CBLB: variants seen among roughly 807,000 people sequenced by gnomAD.
CBLB encodes E3 ubiquitin-protein ligase CBL-B.
Under a neutral mutation model 104.9 loss-of-function variants are expected in CBLB, and 31 were observed. That is an observed-to-expected ratio of 0.30 (90% CI 0.22 to 0.40). CBLB has a LOEUF of 0.40. Ranked by LOEUF, CBLB falls within the 10% of genes least tolerant of loss-of-function variation. The pLI is 1.00. For synonymous variants in CBLB, 440 were observed against 422.6 expected, an observed-to-expected ratio of 1.04 and a Z score of -0.51; for missense variants, 1,062 against 1,214.6, an observed-to-expected ratio of 0.87 and a Z score of 1.87.
intron 2 of CBLB, among the ~76,000 whole-genome samples, 179 bp from the exon 3 acceptor site, chr3:105,853,843 C>T (rs2091260339): frequency 6.6e-6 from 1 of 152,094 alleles, no homozygotes; most frequent in Non-Finnish European, 1.5e-5. Flanking sequence ...AAATCCTATT[C>T]TGTTCTCCTA....
At chr3:105,764,361 AG>A (rs1454976970) in intron 4 of CBLB, among the ~76,000 whole-genome samples, 1 of 152,228 alleles carries the variant, frequency 6.6e-6, no homozygotes, top group Non-Finnish European at 1.5e-5. Context: ...GCTGGCACAC[AG>A]GTCTAGCCAA....
At chr3:105,704,224 T>C in intron 10 of CBLB, 51 bp from the exon 11 acceptor site, 2 of 1,525,772 alleles carry the variant, frequency 1.3e-6, no homozygotes, top group Non-Finnish European at 1.8e-6. Context: ...GTGCAGAGTG[T>C]TCTCTGTTCT....
chr3:105,726,965 G>A (rs545760311), intron 9 of CBLB, among the ~76,000 whole-genome samples: 1 of 152,262 alleles, frequency 6.6e-6, no homozygotes, highest in South Asian at 2.1e-4. Context: ...ATGGACATTT[G>A]GGTTGGTTCC....
At chr3:105,667,307 A>AGC (rs375635226) in intron 18 of CBLB, among the ~76,000 whole-genome samples, 1 of 48 alleles carries the variant, frequency 0.021, no homozygotes, top group Non-Finnish European at 0.036. Context: ...ACAGCCTTTT[A>AGC]GTTTTCAAAG....
intron 18 of CBLB, among the ~76,000 whole-genome samples, chr3:105,668,921 A>C (rs979095303): frequency 5.9e-5 from 9 of 152,194 alleles, no homozygotes; most frequent in African/African-American, 2.2e-4. Context: ...AGCTTAAAAA[A>C]ATTTTGAAAT....
intron 1 of CBLB, chr3:105,868,476 CTG>C (rs1423405066): frequency 2.8e-6 from 1 of 351,290 alleles, no homozygotes; most frequent in Non-Finnish European, 5.0e-6. Context: ...GGGAGGGACA[CTG>C]TGGGCTCGGC....
At chr3:105,866,073 G>T (rs1002278965) in intron 2 of CBLB, among the ~76,000 whole-genome samples, 1 of 152,122 alleles carries the variant, frequency 6.6e-6, no homozygotes, top group Non-Finnish European at 1.5e-5. Flanking sequence ...ACATCATTCT[G>T]TCTGGAGCAC....
At chr3:105,721,157 A>C (rs1463981641) in intron 9 of CBLB, among the ~76,000 whole-genome samples, 1 of 152,176 alleles carries the variant, frequency 6.6e-6, no homozygotes, top group African/African-American at 2.4e-5. Context: ...TGTTATTTAA[A>C]AGTGGCAAAA....
chr3:105,731,921 A>C (rs951151048), intron 9 of CBLB, among the ~76,000 whole-genome samples: 1 of 152,224 alleles, frequency 6.6e-6, no homozygotes, highest in African/African-American at 2.4e-5. Flanking sequence ...TGTATGCTCT[A>C]AGACTGGAGC....
intron 17 of CBLB, among the ~76,000 whole-genome samples, chr3:105,675,238 G>T: frequency 6.6e-6 from 1 of 152,140 alleles, no homozygotes; most frequent in Non-Finnish European, 1.5e-5. Flanking sequence ...TTTACAGACT[G>T]AACAACGAAA....
Position 105,656,346 on chromosome 3 carries a change from G to A in CBLB, c.*2624C>T, listed in dbSNP as rs1349491298. ...GGAATGTCTAACTTTTTGGATCACA[G>A]TGAAACAAAGTCTGGATCACTTCCA... On this transcript the variant is annotated 3_prime_UTR_variant, in exon 19 of 19. Transcript: ENST00000394030. The A allele has an allele frequency of 4.9e-6, 1 of 203,158 alleles. No individual in the cohort carries two copies. Among genetic ancestry groups the A allele is most frequent in the Non-Finnish European group, 1.0e-5 (1 of 99,144 alleles). 12.6% of individuals were successfully genotyped at this position (203,158 alleles called of 1,614,324 possible).
At position 105,773,833 on chromosome 3, in the gene CBLB, C is replaced by T. The variant is rs146158930; in HGVS notation, c.566+2563G>A. On this transcript the variant is annotated intron_variant, in intron 4 of 18. Coordinates refer to ENST00000394030, the MANE Select transcript of CBLB (RefSeq NM_170662.5). The stretch of plus-strand genomic sequence containing the variant: ...TGCATTGTTAAAATATATTCATTTG[C>T]ATAAAAATTGACCATAAACAGAATC... Among the ~76,000 whole-genome samples the T allele has an allele frequency of 3.0e-4, 45 of 152,296 alleles. 1 individual carries two copies. In the East Asian group the frequency reaches 4.4e-3, roughly 15 times the overall value.
intron 3 of CBLB, among the ~76,000 whole-genome samples, chr3:105,834,612 C>T (rs1215369268): frequency 6.6e-5 from 10 of 151,988 alleles, no homozygotes; most frequent in Non-Finnish European, 1.5e-4. Context: ...GACAAGATTG[C>T]GCCACTGCAC....
rs4431143 is a variant in CBLB at position 105,868,903 on chromosome 3, A to C, written c.-182T>G. The C allele has an allele frequency of 0.046, 46,481 of 1,007,232 alleles. 1,341 individuals carry two copies. Among genetic ancestry groups the C allele is most frequent in the Admixed American group, 0.15 (2,507 of 16,564 alleles). 62.4% of individuals were successfully genotyped at this position (1,007,232 alleles called of 1,614,324 possible). A position where few individuals can be genotyped will look rare whatever the true frequency, so the allele number is the denominator to read the frequency against. On this transcript the variant is annotated 5_prime_UTR_variant, in exon 1 of 19. Coordinates refer to ENST00000394030, the MANE Select transcript of CBLB (RefSeq NM_170662.5). ...GCAGGCCTCCGAGACGTGGAAACGC[A>C]ACAATTACCGTCAAGACAAATCCAC...
intron 7 of CBLB, among the ~76,000 whole-genome samples, chr3:105,740,087 G>A (rs535381977): frequency 2.2e-5 from 3 of 135,962 alleles, no homozygotes; most frequent in East Asian, 4.4e-4. Context: ...TGGCAACAGA[G>A]TTAGACTCCA....
chr3:105,692,282 T>C (rs539984419), intron 13 of CBLB, among the ~76,000 whole-genome samples: 3 of 152,330 alleles, frequency 2.0e-5, no homozygotes, highest in South Asian at 2.1e-4. Flanking sequence ...TAAGATGTTA[T>C]GGGAGATAGA....
intron 3 of CBLB, among the ~76,000 whole-genome samples, chr3:105,842,671 T>C (rs775428120): frequency 1.1e-4 from 16 of 152,040 alleles, no homozygotes; most frequent in Non-Finnish European, 1.8e-4. Context: ...ACGTGTGGAG[T>C]TGCCCTTCCC....
intron 3 of CBLB, among the ~76,000 whole-genome samples, chr3:105,836,033 C>G (rs1238392608): frequency 2.6e-5 from 4 of 152,172 alleles, no homozygotes; most frequent in Non-Finnish European, 4.4e-5. Context: ...AAGGTTACCT[C>G]GAGTGATTAG....
At chr3:105,753,140 C>T (rs2076740163) in intron 4 of CBLB, among the ~76,000 whole-genome samples, 1 of 151,916 alleles carries the variant, frequency 6.6e-6, no homozygotes, top group Non-Finnish European at 1.5e-5. Context: ...TGGGAAGTGG[C>T]ATAAATTAAT....
Sources: allele counts gnomAD v4.1 joint callset (sites outside exome capture counted in the v4.1 genomes callset), GRCh38; gene constraint gnomAD v4.1.1; transcripts MANE v1.5; gene names NCBI Gene and HGNC (gene_info 2026-07-23, HGNC 2026-07-21).